TMEM120B: variants seen among roughly 807,000 people sequenced by gnomAD.
The protein encoded by TMEM120B is transmembrane protein 120B.
In TMEM120B, 31 loss-of-function variants were observed where a neutral mutation model predicts 55.5. The ratio of observed to expected loss-of-function variants is 0.56; its 90% CI spans 0.42 to 0.75. The LOEUF is 0.75. Ranked by LOEUF, TMEM120B falls within the 30% of genes least tolerant of loss-of-function variation. The pLI, the probability that TMEM120B is intolerant of heterozygous loss-of-function variation, is 0.00. For synonymous variants in TMEM120B, 203 were observed against 176.3 expected (o/e 1.15, Z -1.20); for missense variants, 399 against 425.5 (o/e 0.94, Z 0.55).
rs934141845 is a variant in TMEM120B at position 121,776,475 on chromosome 12, C to T, written c.*753C>T. The stretch of plus-strand genomic sequence containing the variant: ...TGGAGAGTGGGACCAAGACCCTTGG[C>T]CCCTGTGGAGGGGAACCACCTCCCC... On this transcript the variant is annotated 3_prime_UTR_variant, in exon 12 of 12. Transcript: ENST00000449592. 1 of 152,234 alleles carries T rather than the reference C, an allele frequency of 6.6e-6. No homozygotes were observed. Among genetic ancestry groups the T allele is most frequent in the African/African-American group, 2.4e-5 (1 of 41,432 alleles). 9.4% of individuals were successfully genotyped at this position (152,234 alleles called of 1,614,324 possible).
chr12:121,765,280 C>A (rs985268957), intron 6 of TMEM120B, among the ~76,000 whole-genome samples: 10 of 152,010 alleles, frequency 6.6e-5, no homozygotes, highest in African/African-American at 2.2e-4. Context: ...GAGGTGCACA[C>A]CACCATGCCT....
chr12:121,717,489 G>T (rs868388059), intron 1 of TMEM120B, among the ~76,000 whole-genome samples: 3 of 152,164 alleles, frequency 2.0e-5, no homozygotes, highest in Non-Finnish European at 4.4e-5. Flanking sequence ...TTTTACAGAG[G>T]TTAAGTCACT....
In TMEM120B at chr12:121,778,584, CAG is replaced by C. The variant is rs893949421; in HGVS notation, c.*2863_*2864del. The C allele has an allele frequency of 2.6e-5, 4 of 151,366 alleles. No homozygotes were observed. The highest frequency in any genetic ancestry group is 4.0e-4 in the East Asian group (2 of 5,058). 9.4% of individuals were successfully genotyped at this position (151,366 alleles called of 1,614,324 possible). Reference sequence around the variant, plus strand: ...GTTCTGAGAAACTGTCCCGCGTGGACAGGGGGTAGATCCCATCAGTTCTCAAA... The same window carrying C: ...GTTCTGAGAAACTGTCCCGCGTGGACGGGGTAGATCCCATCAGTTCTCAAA... On this transcript the variant is annotated 3_prime_UTR_variant, in exon 12 of 12. Transcript: ENST00000449592.
intron 1 of TMEM120B, among the ~76,000 whole-genome samples, chr12:121,724,987 A>T (rs573981157): frequency 6.9e-4 from 105 of 152,320 alleles, no homozygotes; most frequent in Middle Eastern, 3.4e-3. Context: ...GACCATGCAA[A>T]TATCACTTAC....
chr12:121,758,719 C>T (rs1191234300), intron 5 of TMEM120B: 12 of 963,912 alleles, frequency 1.2e-5, no homozygotes, highest in African/African-American at 9.8e-5. Context: ...GAGGACGGCC[C>T]AGCTCCACGC....
intron 5 of TMEM120B, among the ~76,000 whole-genome samples, chr12:121,759,152 G>A (rs1482502987): frequency 2.9e-5 from 4 of 140,076 alleles, no homozygotes; most frequent in African/African-American, 5.4e-5. Context: ...GTGGAGTCTC[G>A]CTCACTCCCC....
chr12:121,760,129 C>CA (rs1006164597), intron 5 of TMEM120B, among the ~76,000 whole-genome samples: 1,590 of 45,852 alleles, frequency 0.035, 44 homozygotes, highest in East Asian at 0.21. Flanking sequence ...AACTACGTCT[C>CA]AAAAAAAAAA....
At chr12:121,720,246 C>T (rs770034633) in intron 1 of TMEM120B, among the ~76,000 whole-genome samples, 2 of 152,164 alleles carry the variant, frequency 1.3e-5, no homozygotes, top group African/African-American at 2.4e-5. Flanking sequence ...TTACCGCTCC[C>T]GTAACATACC....
At chr12:121,722,499 G>GA (rs899365535) in intron 1 of TMEM120B, among the ~76,000 whole-genome samples, 3 of 152,166 alleles carry the variant, frequency 2.0e-5, no homozygotes, top group Non-Finnish European at 4.4e-5. Context: ...CTGGCAACCT[G>GA]AACGTCCGTG....
chr12:121,758,846 T>C (rs1592942336), intron 5 of TMEM120B: 1 of 978,176 alleles, frequency 1.0e-6, no homozygotes, highest in African/African-American at 1.8e-5. Flanking sequence ...CACGTTGTGG[T>C]CACCATAGAG....
At chr12:121,774,454 G>A (rs1231254315) in intron 9 of TMEM120B, among the ~76,000 whole-genome samples, 2 of 152,240 alleles carry the variant, frequency 1.3e-5, no homozygotes, top group East Asian at 3.8e-4. Context: ...CTTGAAGAGA[G>A]AGAGCAGTCA....
chr12:121,759,379 A>G (rs1428132394), intron 5 of TMEM120B, among the ~76,000 whole-genome samples: 5 of 151,904 alleles, frequency 3.3e-5, no homozygotes, highest in African/African-American at 1.2e-4. Flanking sequence ...CAGGAGTGAA[A>G]GTATATTAAA....
At chr12:121,724,679 C>G (rs768436946) in intron 1 of TMEM120B, among the ~76,000 whole-genome samples, 1 of 151,090 alleles carries the variant, frequency 6.6e-6, no homozygotes, top group East Asian at 1.9e-4. Flanking sequence ...CGCGCAATCT[C>G]GACTCATTGC....
intron 6 of TMEM120B, among the ~76,000 whole-genome samples, chr12:121,768,081 T>G (rs1873905980): frequency 6.6e-6 from 1 of 152,202 alleles, no homozygotes; most frequent in Admixed American, 6.5e-5. Context: ...GTCAGAAATT[T>G]GGAGCCCAGG....
chr12:121,734,765 T>C (rs1895072470), intron 1 of TMEM120B, among the ~76,000 whole-genome samples: 2 of 151,710 alleles, frequency 1.3e-5, no homozygotes, highest in East Asian at 2.0e-4. Context: ...ATACAAAAAT[T>C]AGCTGGGCGT....
intron 6 of TMEM120B, among the ~76,000 whole-genome samples, chr12:121,767,863 G>A (rs139409291): frequency 6.6e-6 from 1 of 152,216 alleles, no homozygotes; most frequent in Admixed American, 6.5e-5. Flanking sequence ...TGCTCAGTCA[G>A]GCTTGTTGCC....
At chr12:121,746,686 G>A (rs1873094306) in intron 2 of TMEM120B, among the ~76,000 whole-genome samples, 1 of 152,154 alleles carries the variant, frequency 6.6e-6, no homozygotes, top group Non-Finnish European at 1.5e-5. Flanking sequence ...CGGGCGTGGT[G>A]GCTCACGCCG....
chr12:121,728,297 G>A (rs1306408047), intron 1 of TMEM120B, among the ~76,000 whole-genome samples: 2 of 151,770 alleles, frequency 1.3e-5, no homozygotes, highest in Non-Finnish European at 2.9e-5. Flanking sequence ...AGACCATCCT[G>A]GCTAACACAG....
intron 1 of TMEM120B, among the ~76,000 whole-genome samples, chr12:121,717,329 G>C (rs1054568353): frequency 3.3e-5 from 5 of 152,200 alleles, no homozygotes; most frequent in African/African-American, 1.2e-4. Flanking sequence ...GGCCTTGAAG[G>C]CCATGGTAAA....
Sources: gnomAD v4.1 joint callset for allele counts (sites outside exome capture counted in the v4.1 genomes callset) on GRCh38, gnomAD v4.1.1 for gene constraint, MANE v1.5 for transcripts, NCBI Gene and HGNC (gene_info 2026-07-23, HGNC 2026-07-21) for gene names.